CACNA2D3: variants seen among roughly 807,000 people sequenced by gnomAD.
CACNA2D3 encodes calcium voltage-gated channel auxiliary subunit alpha2delta 3.
In CACNA2D3, 60 loss-of-function variants were observed where a neutral mutation model predicts 160.6. That is an observed-to-expected ratio of 0.37 (90% CI 0.30 to 0.46). The LOEUF (loss-of-function observed/expected upper bound fraction) is 0.46. Among genes scored for constraint, CACNA2D3 ranks in the 20% least tolerant of loss-of-function variants. The pLI is 1.00. For synonymous variants in CACNA2D3, 558 were observed against 492.9 expected (o/e 1.13, Z -1.75); for missense variants, 1,205 against 1,365.0 (o/e 0.88, Z 1.85).
At chr3:54,546,129 C>T (rs989261417) in intron 5 of CACNA2D3, among the ~76,000 whole-genome samples, 1 of 152,154 alleles carries the variant, frequency 6.6e-6, no homozygotes, top group African/African-American at 2.4e-5. Flanking sequence ...GCTGGAACTA[C>T]CGGACAACAG....
chr3:54,978,470 C>T (rs79724675), intron 29 of CACNA2D3, among the ~76,000 whole-genome samples: 2,118 of 152,198 alleles, frequency 0.014, 47 homozygotes, highest in African/African-American at 0.048. Context: ...TGGCAAGGGC[C>T]GTTCATGACT....
intron 17 of CACNA2D3, among the ~76,000 whole-genome samples, chr3:54,870,707 G>A (rs937401201): frequency 5.3e-5 from 8 of 152,096 alleles, no homozygotes; most frequent in African/African-American, 1.7e-4. Flanking sequence ...CAGCTTTTCC[G>A]GAGAAATGCC....
chr3:54,516,028 A>C (rs1277228849), intron 5 of CACNA2D3, among the ~76,000 whole-genome samples: 1 of 152,196 alleles, frequency 6.6e-6, no homozygotes, highest in Non-Finnish European at 1.5e-5. Context: ...CCATTGTCAA[A>C]GGCCACATCC....
intron 5 of CACNA2D3, among the ~76,000 whole-genome samples, chr3:54,530,120 C>T (rs1015670417): frequency 7.2e-5 from 11 of 152,184 alleles, no homozygotes; most frequent in African/African-American, 2.7e-4. Flanking sequence ...GTCCCTCCTC[C>T]TTCACTTCTT....
At chr3:54,621,767 G>A (rs1399420709) in intron 9 of CACNA2D3, among the ~76,000 whole-genome samples, 2 of 152,142 alleles carry the variant, frequency 1.3e-5, no homozygotes, top group Non-Finnish European at 2.9e-5. Flanking sequence ...CCTGGCCCTC[G>A]AAAGGCAAAA....
At chr3:54,967,817 T>C (rs1305637330) in intron 27 of CACNA2D3, among the ~76,000 whole-genome samples, 5 of 152,222 alleles carry the variant, frequency 3.3e-5, no homozygotes, top group Non-Finnish European at 7.3e-5. Flanking sequence ...TCTTCTCTTT[T>C]TGGCTGTTTC....
chr3:54,436,673 A>G (rs1335626650), intron 4 of CACNA2D3, among the ~76,000 whole-genome samples: 1 of 152,144 alleles, frequency 6.6e-6, no homozygotes, highest in African/African-American at 2.4e-5. Context: ...GCAAACTAAC[A>G]CAAGAACAGA....
At chr3:54,807,968 C>T (rs1185600000) in intron 13 of CACNA2D3, among the ~76,000 whole-genome samples, 6 of 145,272 alleles carry the variant, frequency 4.1e-5, no homozygotes, top group African/African-American at 1.5e-4. Flanking sequence ...AAAAACCAAA[C>T]ACCGCATATT....
At chr3:54,425,650 T>C (rs1368807287) in intron 4 of CACNA2D3, among the ~76,000 whole-genome samples, 4 of 152,178 alleles carry the variant, frequency 2.6e-5, no homozygotes, top group African/African-American at 9.7e-5. Flanking sequence ...CTCTGAAATT[T>C]AGGTAAATCA....
At chr3:54,755,607 T>G (rs546399790) in intron 12 of CACNA2D3, among the ~76,000 whole-genome samples, 1 of 152,106 alleles carries the variant, frequency 6.6e-6, no homozygotes, top group Non-Finnish European at 1.5e-5. Context: ...AGTTACACAT[T>G]TGGCCTCATT....
At chr3:55,073,237 G>A (rs896108) in intron 35 of CACNA2D3, among the ~76,000 whole-genome samples, 28,081 of 151,968 alleles carry the variant, frequency 0.18, 3,228 homozygotes, top group Admixed American at 0.31. Context: ...GCCGCATGTC[G>A]TCATAGCTAT....
intron 27 of CACNA2D3, among the ~76,000 whole-genome samples, chr3:54,961,598 C>T (rs1702030951): frequency 6.6e-6 from 1 of 152,136 alleles, no homozygotes. Flanking sequence ...TGGTAATTGT[C>T]CACATTTGCA....
intron 11 of CACNA2D3, among the ~76,000 whole-genome samples, chr3:54,686,976 G>A (rs1700458630): frequency 6.6e-6 from 1 of 152,060 alleles, no homozygotes; most frequent in South Asian, 2.1e-4. Context: ...AGGGCTGTTA[G>A]ACATTTGTTT....
At chr3:54,918,201 A>G (rs1700709362) in intron 27 of CACNA2D3, 1 of 409,938 alleles carries the variant, frequency 2.4e-6, no homozygotes, top group Non-Finnish European at 4.4e-6. Context: ...TCTTACCCCC[A>G]CATAGAATCG....
At chr3:54,490,251 G>C (rs1375819295) in intron 4 of CACNA2D3, among the ~76,000 whole-genome samples, 1 of 152,212 alleles carries the variant, frequency 6.6e-6, no homozygotes, top group Non-Finnish European at 1.5e-5. Context: ...AGAAAGACCT[G>C]AGGAGGTGGG....
At chr3:54,968,201 C>T (rs1419385917) in intron 27 of CACNA2D3, among the ~76,000 whole-genome samples, 3 of 151,804 alleles carry the variant, frequency 2.0e-5, no homozygotes, top group East Asian at 1.9e-4. Context: ...TTAGAAATGC[C>T]GAAGTAACAT....
At chr3:54,714,750 C>T (rs1039021700) in intron 11 of CACNA2D3, among the ~76,000 whole-genome samples, 2 of 152,172 alleles carry the variant, frequency 1.3e-5, no homozygotes, top group East Asian at 1.9e-4. Flanking sequence ...GAAATGAAAT[C>T]GATAGCAAAG....
chr3:54,892,220 G>A lies in CACNA2D3; in HGVS notation c.2246+770G>A, dbSNP rs139978381. 3.3e-3 allele frequency among the ~76,000 whole-genome samples: 507 copies of A among 152,256 alleles called. 2 individuals are homozygous for A. Among genetic ancestry groups the A allele is most frequent in the African/African-American group, 0.011 (468 of 41,526 alleles). On this transcript the variant is annotated intron_variant, in intron 25 of 37. Coordinates refer to ENST00000474759, the MANE Select transcript of CACNA2D3 (RefSeq NM_018398.3). ...ATGGACAAATGGGTCCCAAGATTCA[G>A]AAAGTTAGAGAGTGGTTTGCAAGTG...
intron 11 of CACNA2D3, among the ~76,000 whole-genome samples, chr3:54,644,918 A>G (rs1351699507): frequency 6.6e-6 from 1 of 152,208 alleles, no homozygotes; most frequent in African/African-American, 2.4e-5. Flanking sequence ...TGACTTTTAC[A>G]AGGACTCATT....
Sources: allele counts gnomAD v4.1 joint callset (sites outside exome capture counted in the v4.1 genomes callset), GRCh38; gene constraint gnomAD v4.1.1; transcripts MANE v1.5; gene names NCBI Gene and HGNC (gene_info 2026-07-23, HGNC 2026-07-21).